PCDHA2: variants seen among roughly 807,000 people sequenced by gnomAD.
PCDHA2 encodes the protein protocadherin alpha 2.
In PCDHA2, 58 loss-of-function variants were observed where a neutral mutation model predicts 66.0. The observed-to-expected ratio is 0.88, with a 90% CI of 0.71 to 1.09. The LOEUF (loss-of-function observed/expected upper bound fraction) is 1.09, where lower values mean the gene tolerates loss of function less well. Among genes scored for constraint, PCDHA2 ranks in the 50% least tolerant of loss-of-function variants. The pLI is 0.00. For missense variants in PCDHA2, 1,267 were observed against 1,242.3 expected (o/e 1.02, Z -0.30); for synonymous variants, 634 against 554.0 (o/e 1.14, Z -2.03).
chr5:140,883,649 A>T, intron 1 of PCDHA2: 1 of 1,613,516 alleles, frequency 6.2e-7, no homozygotes, highest in South Asian at 1.1e-5. Context: ...GCCCGAGTAC[A>T]CGGTGTTCGT....
At chr5:140,848,386 TC>T in intron 1 of PCDHA2, 1 of 1,217,430 alleles carries the variant, frequency 8.2e-7, no homozygotes, top group Non-Finnish European at 1.2e-6. Context: ...TTTTTCACTC[TC>T]TCTGTGCTGA....
chr5:140,928,082 T>G, intron 1 of PCDHA2: 1 of 1,614,212 alleles, frequency 6.2e-7, no homozygotes, highest in Non-Finnish European at 8.5e-7. Context: ...TACTACAGCC[T>G]GCTGATTGAT....
chr5:141,009,892 G>GTTT lies in PCDHA2; in HGVS notation c.2802_2803insTTT (p.Glu934_Lys935insPhe). 6.2e-7 allele frequency: 1 copy of GTTT among 1,612,140 alleles called. No individual in the cohort carries two copies. Among genetic ancestry groups the GTTT allele is most frequent in the Non-Finnish European group, 8.5e-7 (1 of 1,179,578 alleles). ...AGAAGAAGGGTAACAAGACCCAGGAGAAAAAAGAGAAAGGGAACAGCACGA... is the reference window on the plus strand; with the variant it reads ...AGAAGAAGGGTAACAAGACCCAGGAGTTTAAAAAAGAGAAAGGGAACAGCACGA... On this transcript the variant is annotated inframe_insertion, in exon 4 of 4. Transcript: ENST00000526136.
In PCDHA2 at chr5:140,834,653, C is replaced by G. The variant is rs2150223480; in HGVS notation, c.2388+37301C>G. The stretch of plus-strand genomic sequence containing the variant: ...GCATTTTGTTTGTGAATTCTCGGAT[C>G]GACCGCGAGGAGCTGTGCGGGCGGA... On this transcript the variant is annotated intron_variant, in intron 1 of 3. Coordinates refer to ENST00000526136, the MANE Select transcript of PCDHA2 (RefSeq NM_018905.3). 2.5e-6 allele frequency: 4 copies of G among 1,614,190 alleles called. No homozygotes were observed. In the East Asian group the frequency reaches 6.7e-5, roughly 27 times the overall value.
intron 1 of PCDHA2, among the ~76,000 whole-genome samples, chr5:140,896,597 G>A (rs577303751): frequency 1.3e-5 from 2 of 151,484 alleles, no homozygotes; most frequent in African/African-American, 4.8e-5. Flanking sequence ...GGCTGGTCTC[G>A]AACTCCTGGT....
At chr5:140,828,983 A>C (rs2150161618) in intron 1 of PCDHA2, 1 of 1,614,204 alleles carries the variant, frequency 6.2e-7, no homozygotes, top group South Asian at 1.1e-5. Context: ...CATAGATCGA[A>C]ATACGGGAGA....
intron 1 of PCDHA2, among the ~76,000 whole-genome samples, chr5:140,925,742 AAG>A (rs1403200881): frequency 2.0e-5 from 3 of 151,862 alleles, no homozygotes; most frequent in South Asian, 4.2e-4. Context: ...TATTTACAGA[AAG>A]AAAATTTACA....
intron 1 of PCDHA2, chr5:140,848,620 G>T (rs2150415241): frequency 6.3e-7 from 1 of 1,593,518 alleles, no homozygotes; most frequent in Non-Finnish European, 8.6e-7. Context: ...GCCGAACACG[G>T]CACCTTCGTG....
intron 1 of PCDHA2, chr5:140,870,888 A>G: frequency 1.9e-6 from 3 of 1,613,936 alleles, no homozygotes; most frequent in Non-Finnish European, 2.5e-6. Context: ...AGGTGCGCGC[A>G]GTGGATGCGG....
At chr5:140,927,269 C>T in intron 1 of PCDHA2, 1 of 1,614,142 alleles carries the variant, frequency 6.2e-7, no homozygotes, top group Non-Finnish European at 8.5e-7. Context: ...CTCTTTCCTG[C>T]CGGCGACGTG....
intron 1 of PCDHA2, among the ~76,000 whole-genome samples, chr5:140,892,861 G>A (rs1422724084): frequency 2.6e-5 from 4 of 152,100 alleles, no homozygotes; most frequent in African/African-American, 9.7e-5. Flanking sequence ...TTCCTCCTGT[G>A]TAGCTATAAT....
chr5:140,886,828 A>G (rs74967108), intron 1 of PCDHA2, among the ~76,000 whole-genome samples: 4 of 133,052 alleles, frequency 3.0e-5, no homozygotes, highest in Non-Finnish European at 6.5e-5. Flanking sequence ...CTTCGTCTTG[A>G]AAAAAAAAAA....
chr5:140,945,689 T>G (rs529270613), intron 1 of PCDHA2, among the ~76,000 whole-genome samples: 30 of 152,170 alleles, frequency 2.0e-4, no homozygotes, highest in African/African-American at 7.0e-4. Context: ...ACAGTTACTG[T>G]CCACTGATTT....
chr5:140,808,107 A>T (rs145409201), intron 1 of PCDHA2: 2 of 1,613,886 alleles, frequency 1.2e-6, no homozygotes, highest in African/African-American at 2.7e-5. Flanking sequence ...GTAAAGGGAT[A>T]TATTGACTTT....
Position 140,843,034 on chromosome 5 carries a change from T to C in PCDHA2, c.2388+45682T>C, listed in dbSNP as rs2150350687. 5.0e-6 allele frequency: 8 copies of C among 1,594,860 alleles called. 1 individual carries two copies. The African/African-American group carries it at 1.1e-4, about 21-fold the overall frequency. The stretch of plus-strand genomic sequence containing the variant: ...CGGCACTGCTGGAGCCTCGGGTGGG[T>C]GGCACTGGTGGCGCAGCGAGCAAGC... On this transcript the variant is annotated intron_variant, in intron 1 of 3. Transcript: ENST00000526136.
chr5:140,959,408 A>C (rs1554224058), intron 1 of PCDHA2, among the ~76,000 whole-genome samples: 2 of 152,124 alleles, frequency 1.3e-5, no homozygotes, highest in Non-Finnish European at 1.5e-5. Context: ...TAAAGTGTTG[A>C]TTGATCTGAG....
intron 1 of PCDHA2, chr5:140,967,806 G>A (rs1406839046): frequency 8.1e-6 from 13 of 1,614,180 alleles, no homozygotes; most frequent in Non-Finnish European, 1.1e-5. Flanking sequence ...CCCATGGCAG[G>A]TCACTGCAAG....
chr5:140,808,988 T>TC (rs782041192), intron 1 of PCDHA2: 2 of 1,613,646 alleles, frequency 1.2e-6, no homozygotes, highest in Admixed American at 1.7e-5. Context: ...GGATGCTGAC[T>TC]CGGGCTACAA....
chr5:140,987,263 G>C (rs1034230893), intron 3 of PCDHA2, among the ~76,000 whole-genome samples: 14 of 151,908 alleles, frequency 9.2e-5, no homozygotes, highest in Non-Finnish European at 1.8e-4. Context: ...CTCAGGAATG[G>C]GACCCGGCAG....
Sources: allele counts gnomAD v4.1 joint callset (sites outside exome capture counted in the v4.1 genomes callset), GRCh38; gene constraint gnomAD v4.1.1; transcripts MANE v1.5; gene names NCBI Gene and HGNC (gene_info 2026-07-23, HGNC 2026-07-21).